CCDC85A: variants seen among roughly 807,000 people sequenced by gnomAD.
The protein encoded by CCDC85A is coiled-coil domain containing 85A.
Under a neutral mutation model 50.2 loss-of-function variants are expected in CCDC85A, and 38 were observed. That is an observed-to-expected ratio of 0.76 (90% CI 0.58 to 0.99). The LOEUF (loss-of-function observed/expected upper bound fraction) is 0.99, where lower values mean the gene tolerates loss of function less well. Ranked by LOEUF, CCDC85A falls within the 50% of genes least tolerant of loss-of-function variation. CCDC85A has a pLI of 0.00. For missense variants in CCDC85A, 820 were observed against 742.0 expected (o/e 1.11, Z -1.22); for synonymous variants, 366 against 301.4 (o/e 1.21, Z -2.22).
At chr2:56,271,828 C>T (rs1016986582) in intron 2 of CCDC85A, among the ~76,000 whole-genome samples, 8 of 152,128 alleles carry the variant, frequency 5.3e-5, no homozygotes, top group African/African-American at 1.9e-4. Flanking sequence ...TATATCAGAA[C>T]TTGGCTAGTC....
intron 5 of CCDC85A, among the ~76,000 whole-genome samples, chr2:56,376,963 C>G (rs1228042499): frequency 6.6e-6 from 1 of 152,220 alleles, no homozygotes; most frequent in East Asian, 1.9e-4. Flanking sequence ...ATGCACAAAA[C>G]AAATACATAG....
intron 5 of CCDC85A, chr2:56,383,628 C>T: frequency 6.1e-6 from 6 of 985,034 alleles, no homozygotes; most frequent in Non-Finnish European, 6.0e-6. Context: ...AAATCCAAGA[C>T]ATCATATTGC....
In CCDC85A at chr2:56,208,627, C is replaced by G. The variant is rs553920998; in HGVS notation, c.1240+15187C>G. On this transcript the variant is annotated intron_variant, in intron 2 of 5. Transcript: ENST00000407595. ...CATAGGGTCAAGAAATGTCTTAAAC[C>G]CAGGTTGATTCAGAGAGAGAAGCTT... Among the ~76,000 whole-genome samples the G allele has an allele frequency of 1.1e-4, 16 of 152,074 alleles. No individual in the cohort carries two copies. The South Asian group carries it at 2.9e-3, about 28-fold the overall frequency.
At chr2:56,377,045 T>A (rs532464424) in intron 5 of CCDC85A, among the ~76,000 whole-genome samples, 19 of 152,264 alleles carry the variant, frequency 1.2e-4, no homozygotes, top group Non-Finnish European at 2.1e-4. Flanking sequence ...TCCCTCAGGA[T>A]ATTTTGCTTT....
chr2:56,237,692 C>G (rs923630261), intron 2 of CCDC85A, among the ~76,000 whole-genome samples: 1 of 151,784 alleles, frequency 6.6e-6, no homozygotes, highest in African/African-American at 2.4e-5. Context: ...ATCTCACCAT[C>G]TTTTTGCTGG....
chr2:56,192,926 C>T lies in CCDC85A; in HGVS notation c.726C>T (p.Ser242=), dbSNP rs1275714685. ...CGGAGCACCTGCAGAAGCCCCGGAG[C>T]GAGGGCAGCCCGGAGCACTCCAAGC... The part of the protein sequence containing the change: ...GSPEHLQKPR[S]EGSPEHSKHR... The change falls in exon 2 of 6, where the codon AGC becomes AGT. Residue 242 remains serine, a synonymous_variant. Coordinates refer to ENST00000407595, the MANE Select transcript of CCDC85A (RefSeq NM_001080433.2). This position sits in a 1 kb window ranked among gnomAD's most constrained non-coding sequence, Gnocchi z 4.7. 3.7e-6 allele frequency: 6 copies of T among 1,612,286 alleles called. No homozygotes were observed. The highest frequency in any genetic ancestry group is 4.5e-5 in the East Asian group (2 of 44,752).
intron 2 of CCDC85A, among the ~76,000 whole-genome samples, chr2:56,306,692 A>G (rs887031584): frequency 5.3e-5 from 8 of 152,190 alleles, no homozygotes; most frequent in Admixed American, 1.3e-4. Context: ...GAGATCTTCT[A>G]GGTATACTAA....
chr2:56,222,109 C>G (rs536368336), intron 2 of CCDC85A, among the ~76,000 whole-genome samples: 1 of 152,048 alleles, frequency 6.6e-6, no homozygotes. Flanking sequence ...ACTGTTGCTT[C>G]GGGGGTTAAG....
At chr2:56,240,499 A>G (rs1669211030) in intron 2 of CCDC85A, among the ~76,000 whole-genome samples, 1 of 152,098 alleles carries the variant, frequency 6.6e-6, no homozygotes, top group African/African-American at 2.4e-5. Flanking sequence ...TTCATTCATC[A>G]TTCTTTGTGT....
chr2:56,254,187 G>T (rs1434572760), intron 2 of CCDC85A, among the ~76,000 whole-genome samples: 2 of 152,130 alleles, frequency 1.3e-5, no homozygotes, highest in Non-Finnish European at 1.5e-5. Flanking sequence ...TTGAAGAAAT[G>T]AGAAAGGCTG....
intron 2 of CCDC85A, among the ~76,000 whole-genome samples, chr2:56,305,691 A>T (rs566644587): frequency 2.0e-5 from 3 of 152,260 alleles, no homozygotes; most frequent in Admixed American, 1.3e-4. Context: ...GTATCTCAGC[A>T]TTCACTGATT....
At chr2:56,233,905 C>T (rs1178842699) in intron 2 of CCDC85A, among the ~76,000 whole-genome samples, 1 of 152,042 alleles carries the variant, frequency 6.6e-6, no homozygotes, top group South Asian at 2.1e-4. Flanking sequence ...AAAAGATGTT[C>T]CCTAATTTCT....
intron 2 of CCDC85A, among the ~76,000 whole-genome samples, chr2:56,342,072 T>C (rs1323752608): frequency 2.0e-5 from 3 of 151,980 alleles, no homozygotes; most frequent in African/African-American, 4.8e-5. Flanking sequence ...GAACAACTCA[T>C]TGACAACTCA....
chr2:56,289,262 G>A (rs1671591378), intron 2 of CCDC85A, among the ~76,000 whole-genome samples: 1 of 151,940 alleles, frequency 6.6e-6, no homozygotes, highest in African/African-American at 2.4e-5. Flanking sequence ...TATGCTTATT[G>A]GTTATTGTTT....
At chr2:56,280,794 A>G (rs961014534) in intron 2 of CCDC85A, among the ~76,000 whole-genome samples, 2 of 152,132 alleles carry the variant, frequency 1.3e-5, no homozygotes, top group African/African-American at 2.4e-5. Flanking sequence ...CTCCCTCACA[A>G]ACTTTTGGTG....
At chr2:56,241,137 A>T (rs2103965336) in intron 2 of CCDC85A, among the ~76,000 whole-genome samples, 1 of 152,200 alleles carries the variant, frequency 6.6e-6, no homozygotes, top group East Asian at 1.9e-4. Flanking sequence ...CCATTTGCAT[A>T]TGTTGTTTGG....
At chr2:56,357,154 A>G (rs370827181) in intron 3 of CCDC85A, among the ~76,000 whole-genome samples, 4 of 151,816 alleles carry the variant, frequency 2.6e-5, no homozygotes, top group African/African-American at 7.3e-5. Context: ...CTGAGCATTG[A>G]TTCATTGATT....
intron 2 of CCDC85A, among the ~76,000 whole-genome samples, chr2:56,296,855 C>A (rs942287726): frequency 1.6e-4 from 24 of 152,006 alleles, no homozygotes; most frequent in Non-Finnish European, 2.8e-4. Context: ...GCCAGAAATG[C>A]CTACTTTTTT....
intron 3 of CCDC85A, among the ~76,000 whole-genome samples, chr2:56,368,892 T>C (rs1675938226): frequency 6.6e-6 from 1 of 151,978 alleles, no homozygotes; most frequent in Non-Finnish European, 1.5e-5. Flanking sequence ...TGTTTTCCAT[T>C]TTTCTGGCGT....
Sources: gnomAD v4.1 joint callset for allele counts (sites outside exome capture counted in the v4.1 genomes callset) on GRCh38, gnomAD v4.1.1 for gene constraint, Gnocchi (gnomAD v3.1) non-coding constraint, MANE v1.5 for transcripts, NCBI Gene and HGNC (gene_info 2026-07-23, HGNC 2026-07-21) for gene names.